CNTNAP5: variants seen among roughly 807,000 people sequenced by gnomAD.
CNTNAP5 encodes the protein contactin associated protein family member 5.
CNTNAP5 carries 72 observed loss-of-function variants against 150.2 expected under a neutral mutation model. The ratio of observed to expected loss-of-function variants is 0.48; its 90% CI spans 0.40 to 0.58. CNTNAP5 has a LOEUF of 0.58. Among genes scored for constraint, CNTNAP5 ranks in the 20% least tolerant of loss-of-function variants. The pLI, the probability that CNTNAP5 is intolerant of heterozygous loss-of-function variation, is 0.00. For synonymous variants in CNTNAP5, 672 were observed against 619.8 expected, an observed-to-expected ratio of 1.08 and a Z score of -1.25; for missense variants, 1,636 against 1,626.2, an observed-to-expected ratio of 1.01 and a Z score of -0.10.
At chr2:124,326,116 C>G (rs754102969) in intron 3 of CNTNAP5, among the ~76,000 whole-genome samples, 6 of 152,156 alleles carry the variant, frequency 3.9e-5, no homozygotes, top group Non-Finnish European at 8.8e-5. Flanking sequence ...CCACGGGAGA[C>G]AGCCAAAGTA....
chr2:124,668,190 A>C (rs1678739544), intron 13 of CNTNAP5, among the ~76,000 whole-genome samples: 1 of 152,182 alleles, frequency 6.6e-6, no homozygotes. Context: ...CCTTACATCC[A>C]TCTGTTAAAG....
chr2:124,203,454 A>C (rs7575558), intron 1 of CNTNAP5, among the ~76,000 whole-genome samples: 47,499 of 152,002 alleles, frequency 0.31, 7,551 homozygotes, highest in South Asian at 0.48. Flanking sequence ...TTCCTCACAG[A>C]TCCACTAGGA....
intron 4 of CNTNAP5, among the ~76,000 whole-genome samples, chr2:124,430,525 C>T (rs1300723563): frequency 1.3e-5 from 2 of 152,086 alleles, no homozygotes; most frequent in Non-Finnish European, 2.9e-5. Context: ...AAGAAAGGAA[C>T]AGAAGATGAG....
At chr2:124,699,766 A>G (rs1394397008) in intron 13 of CNTNAP5, among the ~76,000 whole-genome samples, 3 of 151,754 alleles carry the variant, frequency 2.0e-5, no homozygotes, top group Admixed American at 1.3e-4. Flanking sequence ...TCAGAGTCCT[A>G]TAATTTGTTC....
At chr2:124,413,903 T>TA (rs142156805) in intron 3 of CNTNAP5, among the ~76,000 whole-genome samples, 53,570 of 149,120 alleles carry the variant, frequency 0.36, 11,222 homozygotes, top group African/African-American at 0.58. Context: ...ATAAATAAAT[T>TA]AAAAAAAAAG....
At chr2:124,871,396 C>A (rs1252894217) in intron 21 of CNTNAP5, among the ~76,000 whole-genome samples, 1 of 151,838 alleles carries the variant, frequency 6.6e-6, no homozygotes, top group Non-Finnish European at 1.5e-5. Flanking sequence ...ACTGAGAAAT[C>A]AGTCAGAGGT....
chr2:124,139,948 G>A (rs552185458), intron 1 of CNTNAP5, among the ~76,000 whole-genome samples: 22 of 152,272 alleles, frequency 1.4e-4, no homozygotes, highest in African/African-American at 3.8e-4. Flanking sequence ...TGCACGAGCC[G>A]AAGCAGGGCG....
chr2:124,455,002 A>C (rs1310569312), intron 6 of CNTNAP5, among the ~76,000 whole-genome samples: 1 of 152,142 alleles, frequency 6.6e-6, no homozygotes, highest in Non-Finnish European at 1.5e-5. Context: ...AAACAAGAAC[A>C]AACTCAATTC....
intron 3 of CNTNAP5, among the ~76,000 whole-genome samples, chr2:124,277,776 A>C (rs1448828897): frequency 6.6e-6 from 1 of 152,186 alleles, no homozygotes; most frequent in Non-Finnish European, 1.5e-5. Context: ...AGGCAATTCA[A>C]GGCTGATAGG....
chr2:124,502,076 T>G (rs929333774), intron 7 of CNTNAP5, among the ~76,000 whole-genome samples: 1 of 152,162 alleles, frequency 6.6e-6, no homozygotes, highest in Non-Finnish European at 1.5e-5. Flanking sequence ...CCCAGTGCAT[T>G]TCAAAGTTTT....
rs1407495337 is a variant in CNTNAP5, at chr2:124,899,606, ATTT to A, written c.3437-3273_3437-3271del. ...CATTGTAATTCTTTTTTTGGATAAG[ATTT>A]TTATGTTAGTAGAAAATCTTGGGAA... On this transcript the variant is annotated intron_variant, in intron 21 of 23. Coordinates refer to ENST00000682447, the MANE Select transcript of CNTNAP5 (RefSeq NM_001367498.1). 2.0e-5 allele frequency among the ~76,000 whole-genome samples: 3 copies of A among 151,574 alleles called. No individual in the cohort carries two copies. In the East Asian group the frequency reaches 5.8e-4, roughly 29 times the overall value.
intron 1 of CNTNAP5, among the ~76,000 whole-genome samples, chr2:124,073,831 G>A (rs1424891106): frequency 6.6e-6 from 1 of 152,076 alleles, no homozygotes; most frequent in Non-Finnish European, 1.5e-5. Flanking sequence ...CAATTCCACT[G>A]CTGGGTATAT....
At chr2:124,886,390 G>A (rs1435885592) in intron 21 of CNTNAP5, among the ~76,000 whole-genome samples, 1 of 151,984 alleles carries the variant, frequency 6.6e-6, no homozygotes, top group Non-Finnish European at 1.5e-5. Flanking sequence ...TACATCTCTT[G>A]GTTGCAAATC....
chr2:124,668,469 T>C (rs1678745044), intron 13 of CNTNAP5, among the ~76,000 whole-genome samples: 1 of 152,160 alleles, frequency 6.6e-6, no homozygotes, highest in South Asian at 2.1e-4. Context: ...CCCTGGAAAC[T>C]GTGTATCAGG....
chr2:124,138,787 C>A (rs986784728), intron 1 of CNTNAP5, among the ~76,000 whole-genome samples: 1 of 152,102 alleles, frequency 6.6e-6, no homozygotes. Context: ...CCTACATGAT[C>A]TGAATTCCAG....
chr2:124,638,513 T>C (rs1424552174), intron 12 of CNTNAP5, among the ~76,000 whole-genome samples: 1 of 152,170 alleles, frequency 6.6e-6, no homozygotes, highest in Non-Finnish European at 1.5e-5. Flanking sequence ...CAGCTAGGCT[T>C]TTTAGTTTCT....
chr2:124,602,840 C>G (rs1273516354), intron 11 of CNTNAP5, among the ~76,000 whole-genome samples: 3 of 152,150 alleles, frequency 2.0e-5, no homozygotes, highest in Non-Finnish European at 4.4e-5. Context: ...TTTACTACAA[C>G]TACAGTATTC....
At chr2:124,028,610 A>G (rs1680961312) in intron 1 of CNTNAP5, among the ~76,000 whole-genome samples, 1 of 152,152 alleles carries the variant, frequency 6.6e-6, no homozygotes, top group Non-Finnish European at 1.5e-5. Context: ...GGAATTAGTT[A>G]ACATCAAATG....
At chr2:124,644,058 C>A (rs1195216522) in intron 12 of CNTNAP5, among the ~76,000 whole-genome samples, 1 of 152,214 alleles carries the variant, frequency 6.6e-6, no homozygotes, top group Non-Finnish European at 1.5e-5. Context: ...ACTAACTTGA[C>A]CATCTTGAAC....
Sources: allele counts gnomAD v4.1 joint callset (sites outside exome capture counted in the v4.1 genomes callset), GRCh38; gene constraint gnomAD v4.1.1; transcripts MANE v1.5; gene names NCBI Gene and HGNC (gene_info 2026-07-23, HGNC 2026-07-21).